Variants in PHKA1 observed in about 807,000 individuals in gnomAD.
PHKA1 encodes phosphorylase b kinase regulatory subunit alpha, skeletal muscle isoform.
PHKA1 carries 60 observed loss-of-function variants against 110.2 expected under a neutral mutation model. The ratio of observed to expected loss-of-function variants is 0.54; its 90% confidence interval spans 0.44 to 0.68. The LOEUF is 0.68. Among genes scored for constraint, PHKA1 ranks in the 30% least tolerant of loss-of-function variants. The probability of loss-of-function intolerance (pLI) is 0.00; values close to 1 mark genes in which losing one functional copy is unlikely to be tolerated. For synonymous variants in PHKA1, 316 were observed against 333.6 expected (o/e 0.95, Z 0.58); for missense variants, 801 against 942.5 (o/e 0.85, Z 1.97).
Position 72,656,111 on chromosome X carries a change from G to A in PHKA1, c.1041+9C>T. The A allele has an allele frequency of 8.3e-7, 1 of 1,209,847 alleles. No individual in the cohort carries two copies. Among genetic ancestry groups the A allele is most frequent in the Non-Finnish European group, 1.1e-6 (1 of 894,183 alleles). ...CATTCTGCTGAAAACTCTTTCCCCA[G>A]CTTATTACCTGTTCTGCATTGCCAC... On this transcript the variant is annotated intron_variant, in intron 10 of 31. Transcript: ENST00000373542.
At chrX:72,640,897 C>A (rs960030729) in intron 14 of PHKA1, among the ~76,000 whole-genome samples, 2 of 110,439 alleles carry the variant, frequency 1.8e-5, no homozygotes, top group African/African-American at 3.3e-5. Context: ...AAGAAAGTAA[C>A]AGACTAGGAA....
intron 29 of PHKA1, among the ~76,000 whole-genome samples, chrX:72,585,678 C>T (rs782436809): frequency 1.4e-4 from 16 of 112,110 alleles, no homozygotes; most frequent in Admixed American, 2.8e-4. Flanking sequence ...CAAGGGAAGC[C>T]GTGACAGACT....
At chrX:72,681,494 T>TGG (rs1556315253) in intron 5 of PHKA1, among the ~76,000 whole-genome samples, 1 of 56,446 alleles carries the variant, frequency 1.8e-5, no homozygotes, top group African/African-American at 6.5e-5. Flanking sequence ...GGGAGGGAGG[T>TGG]GGGGGGGTCA....
At chrX:72,670,836 G>A (rs148379541) in intron 6 of PHKA1, among the ~76,000 whole-genome samples, 8,426 of 111,171 alleles carry the variant, frequency 0.076, 868 homozygotes, top group East Asian at 0.67. Context: ...GACAAAAACC[G>A]CATGATTATC....
At chrX:72,680,714 T>G (rs1159787774) in intron 5 of PHKA1, among the ~76,000 whole-genome samples, 1 of 102,106 alleles carries the variant, frequency 9.8e-6, no homozygotes, top group East Asian at 3.3e-4. Flanking sequence ...CAGCTGCAGA[T>G]ATGAAGCGGA....
At chrX:72,665,099 T>C (rs1328954634) in intron 8 of PHKA1, among the ~76,000 whole-genome samples, 2 of 110,037 alleles carry the variant, frequency 1.8e-5, no homozygotes, top group African/African-American at 6.6e-5. Flanking sequence ...GGCCAAAAAA[T>C]ACAAAAGATC....
intron 16 of PHKA1, among the ~76,000 whole-genome samples, chrX:72,629,390 T>C (rs1424452731): frequency 8.9e-6 from 1 of 111,934 alleles, no homozygotes; most frequent in Non-Finnish European, 1.9e-5. Flanking sequence ...ATGTACAAAA[T>C]TGTAGTTGGT....
chrX:72,668,552 A>C (rs143531014), intron 6 of PHKA1, among the ~76,000 whole-genome samples: 2,687 of 111,690 alleles, frequency 0.024, 37 homozygotes, highest in Middle Eastern at 0.051. Flanking sequence ...TATTATTTCT[A>C]GTATTTATTA....
intron 4 of PHKA1, among the ~76,000 whole-genome samples, chrX:72,689,278 A>G (rs1556320023): frequency 8.9e-6 from 1 of 112,047 alleles, no homozygotes; most frequent in East Asian, 2.8e-4. Flanking sequence ...GAACACTGTC[A>G]TCACTCCAAA....
At chrX:72,658,143 T>G in intron 8 of PHKA1, among the ~76,000 whole-genome samples, 1 of 112,246 alleles carries the variant, frequency 8.9e-6, no homozygotes, top group Middle Eastern at 4.6e-3. Flanking sequence ...TATATAACCA[T>G]AGAAATCTGC....
intron 28 of PHKA1, among the ~76,000 whole-genome samples, chrX:72,596,254 T>C (rs1219531327): frequency 1.8e-5 from 2 of 111,438 alleles, no homozygotes; most frequent in African/African-American, 6.5e-5. Context: ...GCCAAACTCA[T>C]AGAAGCAGAG....
chrX:72,588,658 C>CA lies in PHKA1; in HGVS notation c.3244-4357dup, dbSNP rs1414585769. ...CCAGGAGCTGGTTTTTTGAAAAGATCAAAAAAATTGATAGACTGCTAGCTA... is the reference window on the plus strand; with the variant it reads ...CCAGGAGCTGGTTTTTTGAAAAGATCAAAAAAAATTGATAGACTGCTAGCTA... On this transcript the variant is annotated intron_variant, in intron 29 of 31. Coordinates refer to ENST00000373542, the MANE Select transcript of PHKA1 (RefSeq NM_002637.4). Among the ~76,000 whole-genome samples, 7 of 110,047 alleles carry CA rather than the reference C, an allele frequency of 6.4e-5. No homozygotes were observed. The Admixed American group carries it at 6.8e-4, about 11-fold the overall frequency.
At chrX:72,581,974 T>C (rs1411738308) in intron 31 of PHKA1, among the ~76,000 whole-genome samples, 1 of 112,225 alleles carries the variant, frequency 8.9e-6, no homozygotes, top group Non-Finnish European at 1.9e-5. Flanking sequence ...TATTTTCCTA[T>C]AGGTGAATAG....
At chrX:72,621,009 G>T in intron 18 of PHKA1, 108 bp from the exon 19 acceptor site, 1 of 851,186 alleles carries the variant, frequency 1.2e-6, no homozygotes, top group Non-Finnish European at 1.7e-6. Context: ...TCACAACACA[G>T]CACCAGAAGT....
chrX:72,630,991 T>G (rs2053156973), intron 16 of PHKA1, among the ~76,000 whole-genome samples: 1 of 90,273 alleles, frequency 1.1e-5, no homozygotes, highest in Admixed American at 1.4e-4. Flanking sequence ...CTGTTCATAT[T>G]TTTTCAGGTT....
intron 17 of PHKA1, among the ~76,000 whole-genome samples, chrX:72,625,125 C>G (rs1319301366): frequency 9.0e-6 from 1 of 111,469 alleles, no homozygotes; most frequent in Non-Finnish European, 1.9e-5. Flanking sequence ...TAATTTTAGG[C>G]TCAGGGGTAC....
At chrX:72,685,862 T>G (rs1556318672) in intron 4 of PHKA1, among the ~76,000 whole-genome samples, 1 of 112,030 alleles carries the variant, frequency 8.9e-6, no homozygotes, top group African/African-American at 3.2e-5. Flanking sequence ...GGCTATTCTA[T>G]TTAAACAAAA....
At chrX:72,666,733 C>T (rs1357394315) in intron 7 of PHKA1, among the ~76,000 whole-genome samples, 1 of 111,856 alleles carries the variant, frequency 8.9e-6, no homozygotes, top group Non-Finnish European at 1.9e-5. Context: ...TGCTAAGAAG[C>T]AGGATAGGGA....
chrX:72,580,562 G>A lies in PHKA1; in HGVS notation c.*440C>T, dbSNP rs1487295918. 4 of 134,135 alleles carry A rather than the reference G, an allele frequency of 3.0e-5. No individual in the cohort carries two copies. Among genetic ancestry groups the A allele is most frequent in the Non-Finnish European group, 4.5e-5 (3 of 67,168 alleles). 11.1% of individuals were successfully genotyped at this position (134,135 alleles called of 1,213,427 possible). A position where few individuals can be genotyped will look rare whatever the true frequency, so the allele number is the denominator to read the frequency against. ...TTAACAATTTAGAGTTTACTCATTTGAAATAATGTCCCAAAGTACCCACCA... is the reference window on the plus strand; with the variant it reads ...TTAACAATTTAGAGTTTACTCATTTAAAATAATGTCCCAAAGTACCCACCA... On this transcript the variant is annotated 3_prime_UTR_variant, in exon 32 of 32. Transcript: ENST00000373542.
Sources: gnomAD v4.1 joint callset for allele counts (sites outside exome capture counted in the v4.1 genomes callset) on GRCh38, gnomAD v4.1.1 for gene constraint, MANE v1.5 for transcripts, NCBI Gene and HGNC (gene_info 2026-07-23, HGNC 2026-07-21) for gene names.